The following NEK11 variants were observed in gnomAD, a reference collection of about 807,000 sequenced individuals.
NEK11 encodes the protein serine/threonine-protein kinase Nek11.
In NEK11, 72 loss-of-function variants were observed where a neutral mutation model predicts 80.7. The ratio of observed to expected loss-of-function variants is 0.89; its 90% CI spans 0.74 to 1.08. The LOEUF (loss-of-function observed/expected upper bound fraction) is 1.08. Ranked by LOEUF, NEK11 falls within the 50% of genes least tolerant of loss-of-function variation. The pLI, the probability that NEK11 is intolerant of heterozygous loss-of-function variation, is 0.00. For synonymous variants in NEK11, 251 were observed against 260.7 expected, an observed-to-expected ratio of 0.96 and a Z score of 0.36; for missense variants, 764 against 763.6, an observed-to-expected ratio of 1.00 and a Z score of -0.01.
At chr3:131,189,714 G>A (rs1025999895) in intron 14 of NEK11, among the ~76,000 whole-genome samples, 1 of 152,052 alleles carries the variant, frequency 6.6e-6, no homozygotes. Flanking sequence ...AGACTGTCTG[G>A]GTTATAATTC....
chr3:131,264,429 A>G (rs918738630), intron 16 of NEK11, among the ~76,000 whole-genome samples: 25 of 152,208 alleles, frequency 1.6e-4, no homozygotes, highest in African/African-American at 6.0e-4. Flanking sequence ...CTTTCTGCAT[A>G]TGGCTAGCCA....
chr3:131,063,800 G>A (rs902074084), intron 3 of NEK11, among the ~76,000 whole-genome samples: 10 of 152,190 alleles, frequency 6.6e-5, no homozygotes, highest in Non-Finnish European at 1.3e-4. Flanking sequence ...AAAATTACCC[G>A]TATGACCTAG....
chr3:131,276,601 A>G (rs1043013569), intron 17 of NEK11, among the ~76,000 whole-genome samples: 6 of 151,980 alleles, frequency 3.9e-5, no homozygotes, highest in African/African-American at 7.2e-5. Flanking sequence ...TTTTCTTTAT[A>G]TCTATCTATA....
At chr3:131,208,887 G>A (rs1298769362) in intron 14 of NEK11, among the ~76,000 whole-genome samples, 3 of 152,138 alleles carry the variant, frequency 2.0e-5, no homozygotes, top group Admixed American at 1.3e-4. Context: ...GGTTTTCTAA[G>A]TATACAATCA....
intron 14 of NEK11, chr3:131,174,674 C>A: frequency 7.6e-7 from 1 of 1,318,178 alleles, no homozygotes; most frequent in Non-Finnish European, 1.0e-6. Flanking sequence ...CCCCATTTAA[C>A]TTCTTATATG....
At chr3:131,295,294 G>T (rs939955080) in intron 17 of NEK11, among the ~76,000 whole-genome samples, 1 of 149,732 alleles carries the variant, frequency 6.7e-6, no homozygotes, top group African/African-American at 2.4e-5. Flanking sequence ...TCAGATTTGG[G>T]ATTTTTTTTT....
chr3:131,167,965 T>A (rs1400955331), intron 12 of NEK11, among the ~76,000 whole-genome samples: 1 of 152,238 alleles, frequency 6.6e-6, no homozygotes, highest in African/African-American at 2.4e-5. Context: ...TATGTTTATA[T>A]ATTGATGGGG....
intron 4 of NEK11, among the ~76,000 whole-genome samples, chr3:131,095,492 G>A (rs2077296194): frequency 6.6e-6 from 1 of 152,018 alleles, no homozygotes; most frequent in Admixed American, 6.6e-5. Flanking sequence ...TAATTATAAT[G>A]CAATTGACAA....
intron 16 of NEK11, among the ~76,000 whole-genome samples, chr3:131,255,772 A>C (rs2095804580): frequency 6.6e-6 from 1 of 152,194 alleles, no homozygotes; most frequent in Non-Finnish European, 1.5e-5. Context: ...ATTTCAGTGA[A>C]CACAACCTTG....
chr3:131,314,881 C>T (rs764995099), intron 17 of NEK11, among the ~76,000 whole-genome samples: 8 of 152,134 alleles, frequency 5.3e-5, no homozygotes, highest in African/African-American at 1.2e-4. Flanking sequence ...ATATAGCAGA[C>T]AAACAAGCTT....
At chr3:131,273,340 T>C (rs2096234316) in intron 16 of NEK11, 138 bp from the exon 17 acceptor site, 2 of 614,112 alleles carry the variant, frequency 3.3e-6, no homozygotes, top group Non-Finnish European at 5.9e-6. Context: ...CGTGTTATAA[T>C]TGAATTCATC....
chr3:131,231,822 T>C (rs1350469940), intron 15 of NEK11, among the ~76,000 whole-genome samples: 2 of 152,092 alleles, frequency 1.3e-5, no homozygotes, highest in East Asian at 3.9e-4. Flanking sequence ...CCTGGACCTC[T>C]GAGTGTGCCA....
intron 4 of NEK11, among the ~76,000 whole-genome samples, chr3:131,095,211 T>C (rs2077262730): frequency 6.6e-6 from 1 of 152,268 alleles, no homozygotes; most frequent in Admixed American, 6.5e-5. Context: ...AACCAATTAA[T>C]TGGTGTTCTG....
chr3:131,211,140 C>G (rs914141055), intron 14 of NEK11, among the ~76,000 whole-genome samples: 1 of 152,104 alleles, frequency 6.6e-6, no homozygotes, highest in Non-Finnish European at 1.5e-5. Flanking sequence ...TTAGTGCTTC[C>G]TTCAGGAGCT....
At chr3:131,135,203 A>G (rs1248102714) in intron 7 of NEK11, among the ~76,000 whole-genome samples, 1 of 152,166 alleles carries the variant, frequency 6.6e-6, no homozygotes, top group African/African-American at 2.4e-5. Context: ...CATTGTCAAG[A>G]TTAGGTCTGG....
At chr3:131,216,300 A>G (rs2094831572) in intron 14 of NEK11, among the ~76,000 whole-genome samples, 1 of 152,336 alleles carries the variant, frequency 6.6e-6, no homozygotes, top group East Asian at 1.9e-4. Context: ...GATCTACCAT[A>G]TTCATTGGTA....
chr3:131,218,286 G>A (rs2094908769), intron 14 of NEK11, among the ~76,000 whole-genome samples: 1 of 152,144 alleles, frequency 6.6e-6, no homozygotes, highest in Non-Finnish European at 1.5e-5. Context: ...ATAGAGTTTG[G>A]TGTGGGGTTG....
At position 131,080,640 on chromosome 3, in the gene NEK11, A is replaced by G. The variant is rs59483750; in HGVS notation, c.336+52A>G. 1,503 of 1,501,808 alleles carry G rather than the reference A, an allele frequency of 1.0e-3. 11 individuals are homozygous for G. In the African/African-American group the frequency reaches 0.019, roughly 19 times the overall value. The allele number at this position is 1,501,808 out of a possible 1,614,324, so 93.0% of individuals were successfully genotyped here. On this transcript the variant is annotated intron_variant, in intron 4 of 17. Transcript: ENST00000383366. ...TCTTTATAAAAACTTGCTGAATGGTAAAAAGCCTTCTGTAAAGAGATCTTA... is the reference window on the plus strand; with the variant it reads ...TCTTTATAAAAACTTGCTGAATGGTGAAAAGCCTTCTGTAAAGAGATCTTA...
At chr3:131,209,899 C>A (rs974722223) in intron 14 of NEK11, among the ~76,000 whole-genome samples, 1 of 152,020 alleles carries the variant, frequency 6.6e-6, no homozygotes, top group African/African-American at 2.4e-5. Context: ...GTCTTGCTAG[C>A]ATCTATCTAT....
Sources: allele counts gnomAD v4.1 joint callset (sites outside exome capture counted in the v4.1 genomes callset), GRCh38; gene constraint gnomAD v4.1.1; transcripts MANE v1.5; gene names NCBI Gene and HGNC (gene_info 2026-07-23, HGNC 2026-07-21).